ADGRG2: variants seen among roughly 807,000 people sequenced by gnomAD.
ADGRG2 encodes G protein-coupled receptor 64.
ADGRG2 carries 26 observed loss-of-function variants against 74.1 expected under a neutral mutation model. The ratio of observed to expected loss-of-function variants is 0.35; its 90% CI spans 0.26 to 0.49. ADGRG2 has a LOEUF of 0.49. Ranked by LOEUF, ADGRG2 falls within the 20% of genes least tolerant of loss-of-function variation. The pLI is 0.99. For missense variants in ADGRG2, 619 were observed against 763.1 expected (o/e 0.81, Z 2.22); for synonymous variants, 296 against 295.2 (o/e 1.00, Z -0.03).
At chrX:19,024,423 TTC>T (rs1179812034) in intron 11 of ADGRG2, among the ~76,000 whole-genome samples, 1 of 111,762 alleles carries the variant, frequency 8.9e-6, no homozygotes, top group Non-Finnish European at 1.9e-5. Flanking sequence ...CCTTAGGAAA[TTC>T]TCTCTTTCCT....
At chrX:19,101,443 G>A (rs2062187345) in intron 1 of ADGRG2, among the ~76,000 whole-genome samples, 1 of 111,464 alleles carries the variant, frequency 9.0e-6, no homozygotes, top group African/African-American at 3.3e-5. Flanking sequence ...GCTCACGCCT[G>A]TAATCCCAGC....
intron 17 of ADGRG2, 130 bp downstream of exon 17, chrX:19,010,483 G>A (rs762648127): frequency 1.8e-6 from 1 of 557,355 alleles, no homozygotes; most frequent in East Asian, 3.4e-5. Flanking sequence ...AGAATATAGA[G>A]TAGCAACCTG....
chrX:19,061,245 G>A (rs1248261702), intron 3 of ADGRG2, among the ~76,000 whole-genome samples: 1 of 111,478 alleles, frequency 9.0e-6, no homozygotes, highest in Non-Finnish European at 1.9e-5. Context: ...GCTGAGGGGG[G>A]GCCCACTTTT....
intron 4 of ADGRG2, among the ~76,000 whole-genome samples, chrX:19,038,832 T>C (rs1366421996): frequency 2.7e-5 from 3 of 111,695 alleles, no homozygotes; most frequent in African/African-American, 9.8e-5. Context: ...TTTGCAGATA[T>C]CACCATGATT....
chrX:18,990,892 C>T lies in ADGRG2; in HGVS notation c.3026G>A (p.Gly1009Glu), dbSNP rs1451007124. 2 of 1,205,184 alleles carry T rather than the reference C, an allele frequency of 1.7e-6. No individual in the cohort carries two copies. Among genetic ancestry groups the T allele is most frequent in the Non-Finnish European group, 2.2e-6 (2 of 891,188 alleles). Reference protein sequence around the residue: ...RMALRRTSKRGSLHFIEQM With the variant: ...RMALRRTSKRESLHFIEQM ...CATTTGCTCAATAAAGTGTAAGCTT[C>T]CCCGCTTTGAAGTCCTTCTGAGAGC... The change falls in exon 29 of 29, where the codon GGA (glycine) becomes GAA (glutamate). Residue 1009 changes from glycine (G) to glutamate (E), a missense_variant. This residue lies in a region of ADGRG2 where 106 missense variants were observed against 104.5 expected (regional missense o/e 1.01). Transcript: ENST00000379869.
intron 3 of ADGRG2, among the ~76,000 whole-genome samples, chrX:19,060,542 C>CTTTTT (rs58196298): frequency 2.3e-5 from 2 of 87,090 alleles, no homozygotes; most frequent in Non-Finnish European, 2.3e-5. Flanking sequence ...GGCAGGTATT[C>CTTTTT]TTTTTTTTTT....
intron 9 of ADGRG2, among the ~76,000 whole-genome samples, chrX:19,030,298 C>T (rs1206584937): frequency 8.9e-6 from 1 of 112,080 alleles, no homozygotes; most frequent in Non-Finnish European, 1.9e-5. Flanking sequence ...CATTTGCTTT[C>T]ATTGGTTTTA....
At chrX:19,071,487 C>A (rs750887638) in intron 2 of ADGRG2, among the ~76,000 whole-genome samples, 3 of 111,764 alleles carry the variant, frequency 2.7e-5, no homozygotes, top group Admixed American at 9.5e-5. Flanking sequence ...CAGTGCAGCT[C>A]AGAAATATAA....
intron 3 of ADGRG2, among the ~76,000 whole-genome samples, chrX:19,049,008 C>G (rs929104383): frequency 2.7e-5 from 3 of 111,795 alleles, no homozygotes; most frequent in Non-Finnish European, 5.6e-5. Context: ...AGACAGCTCT[C>G]TACCCCAACC....
intron 2 of ADGRG2, among the ~76,000 whole-genome samples, chrX:19,069,462 GGCCCTAGACAAGGGCCACAC>G (rs2061617874): frequency 9.0e-6 from 1 of 110,568 alleles, no homozygotes; most frequent in Non-Finnish European, 1.9e-5. Context: ...AGAAGAGTGT[GGCCCTAGACAAGGGCCACAC>G]CCTCAAGCCT....
chrX:19,008,097 C>T lies in ADGRG2; in HGVS notation c.1449G>A (p.Glu483=). Residue 483 remains glutamate (E), a synonymous_variant, in exon 19 of 29, where the codon GAG becomes GAA. Transcript: ENST00000379869. ...GAAGAGTAATTGTGCCAATACTGTTCTCAGGAGCTTGGGTTTCCAGAGAAA... is the reference window on the plus strand; with the variant it reads ...GAAGAGTAATTGTGCCAATACTGTTTTCAGGAGCTTGGGTTTCCAGAGAAA... ...LQVSLETQAP[E]NSIGTITLPS... 4 of 1,192,063 alleles carry T rather than the reference C, an allele frequency of 3.4e-6. No individual in the cohort carries two copies. In the South Asian group the frequency reaches 5.6e-5, roughly 17 times the overall value.
Position 18,994,967 on chromosome X carries a change from G to A in ADGRG2, c.2798C>T (p.Ser933Leu). The change falls in exon 28 of 29, where the codon TCA (serine) becomes TTA (leucine). Residue 933 changes from serine to leucine, a missense_variant. By Grantham distance (145) the Ser-to-Leu change is moderately radical. This residue lies in a region of ADGRG2 where 106 missense variants were observed against 104.5 expected (regional missense o/e 1.01). Coordinates refer to ENST00000379869, the MANE Select transcript of ADGRG2 (RefSeq NM_001079858.3). ...GVSSSSNSLQ[S>L]SSNSTNSTTL... The stretch of plus-strand genomic sequence containing the variant: ...GGTGGAGTTAGTGGAGTTACTGCTT[G>A]ACTGTAAGGAATTTGAAGAGCTGGA... 1 of 1,198,132 alleles carries A rather than the reference G, an allele frequency of 8.3e-7. No individual in the cohort carries two copies. The highest frequency in any genetic ancestry group is 1.8e-5 in the South Asian group (1 of 56,604).
In ADGRG2 at chrX:19,074,968, C is replaced by A. The variant is rs1243786426; in HGVS notation, c.-1-6133G>T. Among the ~76,000 whole-genome samples the A allele has an allele frequency of 3.6e-5, 4 of 110,984 alleles. No homozygotes were observed. The South Asian group carries it at 1.1e-3, about 32-fold the overall frequency. ...CAGGAACCCAGGTAAGTAATGTAAG[C>A]AATGAAGCCCACTTATACCTGTGGG... On this transcript the variant is annotated intron_variant, in intron 2 of 28. Coordinates refer to ENST00000379869, the MANE Select transcript of ADGRG2 (RefSeq NM_001079858.3).
intron 1 of ADGRG2, among the ~76,000 whole-genome samples, chrX:19,093,398 G>A (rs1396127758): frequency 1.8e-5 from 2 of 111,589 alleles, no homozygotes; most frequent in African/African-American, 6.5e-5. Flanking sequence ...CACAAGGAGA[G>A]GATAAAGGGG....
chrX:19,054,758 T>C (rs2061381669), intron 3 of ADGRG2, among the ~76,000 whole-genome samples: 2 of 112,227 alleles, frequency 1.8e-5, no homozygotes, highest in African/African-American at 3.2e-5. Flanking sequence ...TTCTTGCATG[T>C]TTCTAATTAA....
chrX:19,118,437 G>A (rs540470406), intron 1 of ADGRG2, among the ~76,000 whole-genome samples: 5 of 112,365 alleles, frequency 4.4e-5, no homozygotes, highest in South Asian at 7.3e-4. Context: ...CTAGGCTGGA[G>A]TGCAGTGGCC....
intron 1 of ADGRG2, among the ~76,000 whole-genome samples, chrX:19,106,145 T>C (rs1157506041): frequency 9.1e-6 from 1 of 109,564 alleles, no homozygotes; most frequent in Non-Finnish European, 1.9e-5. Context: ...GGAGCCAGTG[T>C]AGAACACCGG....
intron 6 of ADGRG2, 161 bp from the exon 7 acceptor site, chrX:19,036,138 C>T (rs987634538): frequency 5.8e-6 from 2 of 344,252 alleles, no homozygotes; most frequent in African/African-American, 5.3e-5. Context: ...CCCATCCTCT[C>T]ACTACTCCAT....
At chrX:19,000,626 G>T (rs774226172) in intron 24 of ADGRG2, among the ~76,000 whole-genome samples, 1 of 111,570 alleles carries the variant, frequency 9.0e-6, no homozygotes, top group Non-Finnish European at 1.9e-5. Flanking sequence ...CTGAATAACT[G>T]CAAGACCAGG....
Sources: gnomAD v4.1 joint callset for allele counts (sites outside exome capture counted in the v4.1 genomes callset) on GRCh38, gnomAD v4.1.1 for gene constraint, gnomAD v4.1.1 regional missense constraint, MANE v1.5 for transcripts, NCBI Gene and HGNC (gene_info 2026-07-23, HGNC 2026-07-21) for gene names.